Variants in GRIK1 observed in about 807,000 individuals in gnomAD.
The protein encoded by GRIK1 is glutamate ionotropic receptor kainate type subunit 1.
GRIK1 carries 69 observed loss-of-function variants against 105.7 expected under a neutral mutation model. That is an observed-to-expected ratio of 0.65 (90% CI 0.54 to 0.80). The LOEUF (loss-of-function observed/expected upper bound fraction) is 0.80. Among genes scored for constraint, GRIK1 ranks in the 30% least tolerant of loss-of-function variants. GRIK1 has a pLI of 0.00. For synonymous variants in GRIK1, 438 were observed against 431.3 expected, an observed-to-expected ratio of 1.02 and a Z score of -0.19; for missense variants, 1,109 against 1,167.3, an observed-to-expected ratio of 0.95 and a Z score of 0.73.
At chr21:29,897,441 G>A (rs1009472930) in intron 1 of GRIK1, among the ~76,000 whole-genome samples, 1 of 152,208 alleles carries the variant, frequency 6.6e-6, no homozygotes, top group Non-Finnish European at 1.5e-5. Flanking sequence ...GAAATTGGTA[G>A]CGATCTTTCC....
rs1013520400 is a variant in GRIK1 at position 29,892,403 on chromosome 21, G to A, written c.118+46980C>T. Among the ~76,000 whole-genome samples the A allele has an allele frequency of 2.6e-5, 4 of 152,344 alleles. No individual in the cohort carries two copies. The South Asian group carries it at 6.2e-4, about 24-fold the overall frequency. ...GCAGTGAGGAGATGTTTCTATTTACGCGGAGGGAAGAATAATTGGGAGAGG... is the reference window on the plus strand; with the variant it reads ...GCAGTGAGGAGATGTTTCTATTTACACGGAGGGAAGAATAATTGGGAGAGG... On this transcript the variant is annotated intron_variant, in intron 1 of 17. Transcript: ENST00000327783.
intron 1 of GRIK1, among the ~76,000 whole-genome samples, chr21:29,738,423 T>A (rs1323971217): frequency 6.6e-6 from 1 of 152,244 alleles, no homozygotes; most frequent in Admixed American, 6.5e-5. Context: ...GAGGATGGAT[T>A]TCAAATCTTT....
rs200395779 is a variant in GRIK1, at chr21:29,846,467, A to G, written c.118+92916T>C. Among the ~76,000 whole-genome samples the G allele has an allele frequency of 4.3e-3, 147 of 34,022 alleles. 1 individual carries two copies. The highest frequency in any genetic ancestry group is 5.7e-3 in the Non-Finnish European group (43 of 7,600). The allele number at this position is 34,022 out of a possible 152,430, so 22.3% of individuals were successfully genotyped here. On this transcript the variant is annotated intron_variant, in intron 1 of 17. Coordinates refer to ENST00000327783, the MANE Select transcript of GRIK1 (RefSeq NM_001330994.2). ...AAGGAAAGAAGGAAAGAGAGAGAGA[A>G]AGAAAGAAAGAAAGAAAGAAAGAAA...
intron 13 of GRIK1, among the ~76,000 whole-genome samples, chr21:29,580,091 A>G (rs903998307): frequency 1.6e-4 from 22 of 140,368 alleles, no homozygotes; most frequent in Non-Finnish European, 2.8e-4. Flanking sequence ...ATGTGTGTGT[A>G]TATATATGTG....
chr21:29,694,131 T>TC, intron 1 of GRIK1, 68 bp from the exon 2 acceptor site: 1 of 1,135,700 alleles, frequency 8.8e-7, no homozygotes. Context: ...TTTTTTTTTT[T>TC]TTTTTTTTTT....
Position 29,598,934 on chromosome 21 carries a change from G to T in GRIK1, c.1102C>A (p.Arg368=), listed in dbSNP as rs113829116. The T allele has an allele frequency of 2.7e-6, 4 of 1,493,032 alleles. No homozygotes were observed. The highest frequency in any genetic ancestry group is 1.2e-5 in the South Asian group (1 of 82,896). 92.5% of individuals were successfully genotyped at this position (1,493,032 alleles called of 1,614,324 possible). A position where few individuals can be genotyped will look rare whatever the true frequency, so the allele number is the denominator to read the frequency against. The part of the protein sequence containing the change: ...PRFMNLIKEA[R]WDGLTGHITF... The stretch of plus-strand genomic sequence containing the variant: ...ATATGCCCAGTCAAGCCATCCCACC[G>T]GGCCTGTGGACAAGAAGAAATGTGG... The change falls in exon 8 of 18, where the codon CGG becomes AGG. Residue 368 remains arginine, a synonymous_variant. Coordinates refer to ENST00000327783, the MANE Select transcript of GRIK1 (RefSeq NM_001330994.2).
chr21:29,809,908 C>T (rs534208910), intron 1 of GRIK1, among the ~76,000 whole-genome samples: 29 of 152,172 alleles, frequency 1.9e-4, no homozygotes, highest in African/African-American at 5.5e-4. Flanking sequence ...GAGGAACAGC[C>T]GGTCAGTGGA....
chr21:29,814,736 A>C (rs1299520095), intron 1 of GRIK1, among the ~76,000 whole-genome samples: 1 of 152,174 alleles, frequency 6.6e-6, no homozygotes, highest in Non-Finnish European at 1.5e-5. Flanking sequence ...GATGTGAGAC[A>C]GGTTTGAAAT....
intron 1 of GRIK1, among the ~76,000 whole-genome samples, chr21:29,849,878 A>ATGCCCTCTGG (rs1049059216): frequency 1.3e-5 from 2 of 152,136 alleles, no homozygotes; most frequent in Admixed American, 6.5e-5. Flanking sequence ...TCTGATCTTC[A>ATGCCCTCTGG]TGCCCTCTGG....
At chr21:29,609,700 T>C (rs951911948) in intron 7 of GRIK1, among the ~76,000 whole-genome samples, 3 of 152,184 alleles carry the variant, frequency 2.0e-5, no homozygotes, top group African/African-American at 7.2e-5. Context: ...ACTACCCTCA[T>C]ACTGGGAGTT....
intron 1 of GRIK1, among the ~76,000 whole-genome samples, chr21:29,724,207 G>C (rs2064394415): frequency 1.3e-5 from 2 of 152,206 alleles, no homozygotes; most frequent in South Asian, 2.1e-4. Context: ...TCAGTCAAAT[G>C]GTTGTTTGAA....
rs13047708 is a variant in GRIK1, at chr21:29,934,420, T to C, written c.118+4963A>G. 4.5e-3 allele frequency among the ~76,000 whole-genome samples: 681 copies of C among 152,274 alleles called. 4 individuals are homozygous for C. The highest frequency in any genetic ancestry group is 7.0e-3 in the Non-Finnish European group (477 of 68,010). On this transcript the variant is annotated intron_variant, in intron 1 of 17. Transcript: ENST00000327783. ...TTAACGTTAGTCAGGCACTCCCTTT[T>C]ATGTAACACTATCAGATGCTTTCTC... is the stretch of plus-strand genomic sequence containing the variant.
intron 6 of GRIK1, among the ~76,000 whole-genome samples, chr21:29,643,919 C>CAG (rs2062565577): frequency 6.6e-6 from 1 of 151,994 alleles, no homozygotes; most frequent in Non-Finnish European, 1.5e-5. Flanking sequence ...TGCACACACA[C>CAG]ACACACACAT....
In GRIK1 at chr21:29,830,092, T is replaced by A. The variant is rs549473086; in HGVS notation, c.118+109291A>T. Among the ~76,000 whole-genome samples the A allele has an allele frequency of 5.9e-5, 9 of 152,322 alleles. No individual in the cohort carries two copies. The East Asian group carries it at 1.4e-3, about 23-fold the overall frequency. On this transcript the variant is annotated intron_variant, in intron 1 of 17. Coordinates refer to ENST00000327783, the MANE Select transcript of GRIK1 (RefSeq NM_001330994.2). The stretch of plus-strand genomic sequence containing the variant: ...CCATATGTTCTAAAATAGGGTACTT[T>A]GCTGGCAATGATTGCAAAGCACTGG...
rs150364774 is a variant in GRIK1 at position 29,734,314 on chromosome 21, G to T, written c.119-40251C>A. 1.1e-4 allele frequency among the ~76,000 whole-genome samples: 16 copies of T among 152,028 alleles called. No individual in the cohort carries two copies. The East Asian group carries it at 3.1e-3, about 29-fold the overall frequency. On this transcript the variant is annotated intron_variant, in intron 1 of 17. Coordinates refer to ENST00000327783, the MANE Select transcript of GRIK1 (RefSeq NM_001330994.2). ...CCACTTCCCACACTACAGACAGAGT[G>T]ATCCTTTTAATGGATATACTGGATC...
intron 3 of GRIK1, among the ~76,000 whole-genome samples, chr21:29,689,336 CT>C (rs2146712267): frequency 6.6e-6 from 1 of 152,246 alleles, no homozygotes; most frequent in Non-Finnish European, 1.5e-5. Context: ...ACGTTAGAAA[CT>C]TTTCTAAACA....
chr21:29,700,417 A>G (rs1434858713), intron 1 of GRIK1, among the ~76,000 whole-genome samples: 1 of 152,190 alleles, frequency 6.6e-6, no homozygotes, highest in Non-Finnish European at 1.5e-5. Flanking sequence ...AAAGGGTAAC[A>G]CTTAGAGAAG....
Position 29,848,779 on chromosome 21 carries a change from A to ATATTTTTTT in GRIK1, c.118+90603_118+90604insAAAAAAATA. Among the ~76,000 whole-genome samples the ATATTTTTTT allele has an allele frequency of 8.5e-4, 66 of 77,862 alleles. 1 individual carries two copies. Among genetic ancestry groups the ATATTTTTTT allele is most frequent in the Admixed American group, 1.6e-3 (9 of 5,722 alleles). 51.1% of individuals were successfully genotyped at this position (77,862 alleles called of 152,430 possible). A position where few individuals can be genotyped will look rare whatever the true frequency, so the allele number is the denominator to read the frequency against. On this transcript the variant is annotated intron_variant, in intron 1 of 17. Coordinates refer to ENST00000327783, the MANE Select transcript of GRIK1 (RefSeq NM_001330994.2). ...TGTATATATATATATATATATATAT[A>ATATTTTTTT]TTTTTTTTTTTTTCCACGATCTTCA...
chr21:29,649,701 T>A (rs973833594), intron 6 of GRIK1, among the ~76,000 whole-genome samples: 17 of 152,210 alleles, frequency 1.1e-4, no homozygotes, highest in Admixed American at 8.5e-4. Context: ...ACACACAGAC[T>A]TTTTTTCTTT....
Sources: allele counts gnomAD v4.1 joint callset (sites outside exome capture counted in the v4.1 genomes callset), GRCh38; gene constraint gnomAD v4.1.1; transcripts MANE v1.5; gene names NCBI Gene and HGNC (gene_info 2026-07-23, HGNC 2026-07-21).